MAS1L: variants seen among roughly 807,000 people sequenced by gnomAD.
The protein encoded by MAS1L is mas-related G protein-coupled receptor MRG.
For missense variants in MAS1L, 441 were observed against 460.1 expected (o/e 0.96, Z 0.38); for synonymous variants, 160 against 182.9 (o/e 0.87, Z 1.01).
At position 29,486,747 on chromosome 6, in the gene MAS1L, C is replaced by G. The variant is rs755266420; in HGVS notation, c.*19G>C. On this transcript the variant is annotated 3_prime_UTR_variant, in exon 1 of 1. Transcript: ENST00000377127. ...GCTGGGTTACTATGTGTACAATTCC[C>G]CAGCTCAGATGTGGGAAATTATGTT... is the stretch of plus-strand genomic sequence containing the variant. 6 of 1,595,820 alleles carry G rather than the reference C, an allele frequency of 3.8e-6. No homozygotes were observed. The highest frequency in any genetic ancestry group is 5.1e-6 in the Non-Finnish European group (6 of 1,171,942).
Position 29,487,370 on chromosome 6 carries a change from G to A in MAS1L, c.533C>T (p.Pro178Leu). 3.7e-6 allele frequency: 6 copies of A among 1,613,998 alleles called. No individual in the cohort carries two copies. Among genetic ancestry groups the A allele is most frequent in the Non-Finnish European group, 5.1e-6 (6 of 1,180,022 alleles). ...TGGGCGGTGGCATCTGTACCAGATGGGGAAGAGGACACACACACACCGCTC... is the reference window on the plus strand; with the variant it reads ...TGGGCGGTGGCATCTGTACCAGATGAGGAAGAGGACACACACACACCGCTC... Reference protein sequence around the residue: ...STERCVCVLFPIWYRCHRPKY... With the variant: ...STERCVCVLFLIWYRCHRPKY... Residue 178 changes from proline to leucine, a missense_variant, in exon 1 of 1, where the codon CCC becomes CTC. Coordinates refer to ENST00000377127, the MANE Select transcript of MAS1L (RefSeq NM_052967.2).
Position 29,486,750 on chromosome 6 carries a change from G to T in MAS1L, c.*16C>A. 6.2e-7 allele frequency: 1 copy of T among 1,600,104 alleles called. No individual in the cohort carries two copies. The highest frequency in any genetic ancestry group is 8.5e-7 in the Non-Finnish European group (1 of 1,173,576). ...GGGTTACTATGTGTACAATTCCCCA[G>T]CTCAGATGTGGGAAATTATGTTTCC... On this transcript the variant is annotated 3_prime_UTR_variant, in exon 1 of 1. Coordinates refer to ENST00000377127, the MANE Select transcript of MAS1L (RefSeq NM_052967.2).
chr6:29,486,851 C>T lies in MAS1L; in HGVS notation c.1052G>A (p.Gly351Asp), dbSNP rs536497975. 65 of 1,614,104 alleles carry T rather than the reference C, an allele frequency of 4.0e-5. No individual in the cohort carries two copies. The Admixed American group carries it at 1.1e-3, about 26-fold the overall frequency. Residue 351 changes from glycine (G) to aspartate (D), a missense_variant, in exon 1 of 1, where the codon GGC becomes GAC. By Grantham distance (94) the Gly-to-Asp change is moderately conservative (BLOSUM62 -1). Coordinates refer to ENST00000377127, the MANE Select transcript of MAS1L (RefSeq NM_052967.2). ...GTGTGGTTGCTCCATTGGGTCGATGCCAGCTGCCTTTTTGTTCCTCCCCAC... is the reference window on the plus strand; with the variant it reads ...GTGTGGTTGCTCCATTGGGTCGATGTCAGCTGCCTTTTTGTTCCTCCCCAC... ...PEVGRNKKAA[G>D]IDPMEQPHST...
the MAS1L span, chr6:29,486,988 TA>T: frequency 6.2e-7 from 1 of 1,613,960 alleles, no homozygotes; most frequent in African/African-American, 1.3e-5. Context: ...CGCTGCTGTT[TA>T]TAATGAGGAA....
chr6:29,486,737 G>A lies in MAS1L; in HGVS notation c.*29C>T. The stretch of plus-strand genomic sequence containing the variant: ...TGCAGAACAGGCTGGGTTACTATGT[G>A]TACAATTCCCCAGCTCAGATGTGGG... On this transcript the variant is annotated 3_prime_UTR_variant, in exon 1 of 1. Coordinates refer to ENST00000377127, the MANE Select transcript of MAS1L (RefSeq NM_052967.2). 1 of 1,587,502 alleles carries A rather than the reference G, an allele frequency of 6.3e-7. No individual in the cohort carries two copies. Among genetic ancestry groups the A allele is most frequent in the Non-Finnish European group, 8.6e-7 (1 of 1,167,656 alleles).
Position 29,487,004 on chromosome 6 carries a change from G to A in MAS1L, c.899C>T (p.Ser300Phe), listed in dbSNP as rs1199489913. 3 of 1,613,988 alleles carry A rather than the reference G, an allele frequency of 1.9e-6. No homozygotes were observed. Among genetic ancestry groups the A allele is most frequent in the Non-Finnish European group, 2.5e-6 (3 of 1,180,028 alleles). Residue 300 changes from serine (S) to phenylalanine (F), a missense_variant, in exon 1 of 1, where the codon TCC becomes TTC. Transcript: ENST00000377127. ...GCTGCTGTTTATAATGAGGAACAAG[G>A]AAATTAAATAGGAGGTGGTGACAAA... Reference protein sequence around the residue: ...KMFVTTSYLISLFLIINSSAN... With the variant: ...KMFVTTSYLIFLFLIINSSAN...
At position 29,486,827 on chromosome 6, in the gene MAS1L, T is replaced by A. The variant is rs1789288130; in HGVS notation, c.1076A>T (p.His359Leu). Residue 359 changes from histidine to leucine, a missense_variant, in exon 1 of 1, where the codon CAC becomes CTC. Transcript: ENST00000377127. ...AAGGTTCTCCACATGCTGAGTAGAG[T>A]GTGGTTGCTCCATTGGGTCGATGCC... ...AAGIDPMEQP[H>L]STQHVENLLP... The A allele has an allele frequency of 1.2e-6, 2 of 1,613,766 alleles. No individual in the cohort carries two copies. The highest frequency in any genetic ancestry group is 1.7e-6 in the Non-Finnish European group (2 of 1,179,962).
rs1343892548 is a variant in MAS1L at position 29,487,593 on chromosome 6, C to G, written c.310G>C (p.Ala104Pro). Residue 104 changes from alanine to proline, a missense_variant, in exon 1 of 1, where the codon GCC becomes CCC. Transcript: ENST00000377127. The stretch of plus-strand genomic sequence containing the variant: ...ATGTATACCATGTAGGGATTCGTGG[C>G]CCCACAGCAAAGCAGCCAGAAGACA... ...GTVFWLLCCG[A>P]TNPYMVYILH... 5.0e-6 allele frequency: 8 copies of G among 1,614,066 alleles called. No homozygotes were observed. The Middle Eastern group carries it at 4.9e-4, about 99-fold the overall frequency.
At position 29,487,718 on chromosome 6, in the gene MAS1L, A is replaced by G. The variant is rs1232043498; in HGVS notation, c.185T>C (p.Met62Thr). The G allele has an allele frequency of 1.9e-6, 3 of 1,614,128 alleles. No homozygotes were observed. Among genetic ancestry groups the G allele is most frequent in the Non-Finnish European group, 2.5e-6 (3 of 1,180,050 alleles). Residue 62 changes from methionine (M) to threonine (T), a missense_variant, in exon 1 of 1, where the codon ATG (methionine) becomes ACG (threonine). Transcript: ENST00000377127. ...LQNETNETIH[M>T]QMSMAVGQQA... ...CTGTCCCACTGCCATGCTCATCTGCATATGTATGGTTTCATTCGTCTCATT... is the reference window on the plus strand; with the variant it reads ...CTGTCCCACTGCCATGCTCATCTGCGTATGTATGGTTTCATTCGTCTCATT...
In MAS1L at chr6:29,486,732, T is replaced by C. The variant is rs976279956; in HGVS notation, c.*34A>G. ...TATGATGCAGAACAGGCTGGGTTAC[T>C]ATGTGTACAATTCCCCAGCTCAGAT... On this transcript the variant is annotated 3_prime_UTR_variant, in exon 1 of 1. Coordinates refer to ENST00000377127, the MANE Select transcript of MAS1L (RefSeq NM_052967.2). 6.3e-7 allele frequency: 1 copy of C among 1,580,508 alleles called. No homozygotes were observed. Among genetic ancestry groups the C allele is most frequent in the Non-Finnish European group, 8.6e-7 (1 of 1,164,556 alleles).
chr6:29,487,330 A>T lies in MAS1L; in HGVS notation c.573T>A (p.Asn191Lys). 6.2e-7 allele frequency: 1 copy of T among 1,614,114 alleles called. No homozygotes were observed. Among genetic ancestry groups the T allele is most frequent in the Middle Eastern group, 1.6e-4 (1 of 6,062 alleles). Residue 191 changes from asparagine (N) to lysine (K), a missense_variant, in exon 1 of 1, where the codon AAT becomes AAA. Asn to Lys is a moderately conservative substitution (Grantham distance 94). Transcript: ENST00000377127. ...YRCHRPKYTS[N>K]VVCTLIWGLP... is the part of the protein sequence containing the mutation. ...GGCCCCAGATGAGGGTGCAGACAAC[A>T]TTAGATGTGTATTTTGGGCGGTGGC...
At position 29,487,392 on chromosome 6, in the gene MAS1L, G is replaced by A. The variant is rs1463199007; in HGVS notation, c.511C>T (p.Arg171Trp). The change falls in exon 1 of 1, where the codon CGG (arginine) becomes TGG (tryptophan). Residue 171 changes from arginine (R) to tryptophan (W), a missense_variant. Coordinates refer to ENST00000377127, the MANE Select transcript of MAS1L (RefSeq NM_052967.2). ...ATGGGGAAGAGGACACACACACACC[G>A]CTCTGTGCTGATGGCCACCAGGAGA... Reference protein sequence around the residue: ...LCLLVAISTERCVCVLFPIWY... With the variant: ...LCLLVAISTEWCVCVLFPIWY... 1.3e-5 allele frequency: 21 copies of A among 1,613,812 alleles called. No individual in the cohort carries two copies. The highest frequency in any genetic ancestry group is 8.0e-5 in the African/African-American group (6 of 74,890).
chr6:29,487,604 A>C lies in MAS1L; in HGVS notation c.299T>G (p.Leu100Arg). The C allele has an allele frequency of 6.2e-7, 1 of 1,614,230 alleles. No individual in the cohort carries two copies. Among genetic ancestry groups the C allele is most frequent in the South Asian group, 1.1e-5 (1 of 91,088 alleles). Residue 100 changes from leucine to arginine, a missense_variant, in exon 1 of 1, where the codon CTT becomes CGT. Leu to Arg is a moderately radical substitution (Grantham distance 102, BLOSUM62 -2). Transcript: ENST00000377127. ...GTAGGGATTCGTGGCCCCACAGCAAAGCAGCCAGAAGACAGTGCCATTCAA... is the reference window on the plus strand; with the variant it reads ...GTAGGGATTCGTGGCCCCACAGCAACGCAGCCAGAAGACAGTGCCATTCAA... Reference protein sequence around the residue: ...VLLNGTVFWLLCCGATNPYMV... With the variant: ...VLLNGTVFWLRCCGATNPYMV...
chr6:29,487,854 C>G lies in MAS1L; in HGVS notation c.49G>C (p.Val17Leu). Residue 17 changes from valine (V) to leucine (L), a missense_variant, in exon 1 of 1, where the codon GTG becomes CTG. By Grantham distance (32) the Val-to-Leu change is conservative. Transcript: ENST00000377127. ...CWFSQRAGWT[V>L]FAESQISLSC... Reference sequence around the variant, plus strand: ...AGAGATATCTGTGACTCAGCAAACACTGTCCATCCAGCCCTCTGGCTGAAC... The same window carrying G: ...AGAGATATCTGTGACTCAGCAAACAGTGTCCATCCAGCCCTCTGGCTGAAC... 6.2e-7 allele frequency: 1 copy of G among 1,613,578 alleles called. No homozygotes were observed. Among genetic ancestry groups the G allele is most frequent in the Non-Finnish European group, 8.5e-7 (1 of 1,179,996 alleles).
At chr6:29,486,915 T>A in the MAS1L span, 1 of 1,614,074 alleles carries the variant, frequency 6.2e-7, no homozygotes, top group Admixed American at 1.7e-5. Flanking sequence ...AGAATCACTC[T>A]GAGAGATTCC....
rs1275495102 is a variant in MAS1L at position 29,487,493 on chromosome 6, G to A, written c.410C>T (p.Thr137Ile). The A allele has an allele frequency of 6.2e-7, 1 of 1,614,062 alleles. No homozygotes were observed. The highest frequency in any genetic ancestry group is 1.3e-5 in the African/African-American group (1 of 74,920). Residue 137 changes from threonine to isoleucine, a missense_variant, in exon 1 of 1, where the codon ACT becomes ATT. By Grantham distance (89) the Thr-to-Ile change is moderately conservative. Transcript: ENST00000377127. The stretch of plus-strand genomic sequence containing the variant: ...GATAAAAAACACGACTCCATGATAA[G>A]TTAGCAGAGTCACCTGTAAGAACCC... ...AVGFLQVTLL[T>I]YHGVVFFIPD... is the part of the protein sequence containing the mutation.
chr6:29,487,076 C>T, the MAS1L span: 1 of 1,562,128 alleles, frequency 6.4e-7, no homozygotes, highest in Non-Finnish European at 8.7e-7. Flanking sequence ...GGGTAGGGCC[C>T]AGAGTAGGAA....
chr6:29,487,334 GA>G, the MAS1L span: 46 of 1,614,092 alleles, frequency 2.8e-5, no homozygotes, highest in African/African-American at 3.6e-4. Flanking sequence ...GACAACATTA[GA>G]TGTGTATTTT....
Position 29,487,145 on chromosome 6 carries a change from C to G in MAS1L, c.758G>C (p.Cys253Ser). The change falls in exon 1 of 1, where the codon TGC becomes TCC. Residue 253 changes from cysteine (C) to serine (S), a missense_variant. Coordinates refer to ENST00000377127, the MANE Select transcript of MAS1L (RefSeq NM_052967.2). The stretch of plus-strand genomic sequence containing the variant: ...CCTGGTGGCCTTTTGCTGCTGGGAG[C>G]AGCACAGGAATCTAATGAGTAGAGT... ...SLTLLIRFLC[C>S]SQQQKATRVY... 1 of 1,613,972 alleles carries G rather than the reference C, an allele frequency of 6.2e-7. No homozygotes were observed.
Sources: gnomAD v4.1 joint callset for allele counts on GRCh38, gnomAD v4.1.1 for gene constraint, MANE v1.5 for transcripts, NCBI Gene and HGNC (gene_info 2026-07-23, HGNC 2026-07-21) for gene names.